ANKRD34C: variants seen among roughly 807,000 people sequenced by gnomAD.
The protein encoded by ANKRD34C is ankyrin repeat domain 34C.
For synonymous variants in ANKRD34C, 260 were observed against 253.6 expected (o/e 1.03, Z -0.24); for missense variants, 563 against 653.0 (o/e 0.86, Z 1.50).
chr15:79,285,818 A>G (rs911629426), intron 1 of ANKRD34C, among the ~76,000 whole-genome samples: 4 of 152,176 alleles, frequency 2.6e-5, no homozygotes, highest in Non-Finnish European at 4.4e-5. Context: ...GACCTTTAAT[A>G]TGTAATCTTG....
At chr15:79,289,613 G>A (rs564018392) in intron 1 of ANKRD34C, among the ~76,000 whole-genome samples, 4 of 152,234 alleles carry the variant, frequency 2.6e-5, no homozygotes, top group Non-Finnish European at 4.4e-5. Context: ...CTAGAGGTAC[G>A]TGATTTGCAC....
Position 79,295,573 on chromosome 15 carries a change from C to G in ANKRD34C, c.*681C>G, listed in dbSNP as rs2061156230. 1 of 167,090 alleles carries G rather than the reference C, an allele frequency of 6.0e-6. No individual in the cohort carries two copies. The highest frequency in any genetic ancestry group is 1.5e-5 in the Non-Finnish European group (1 of 68,130). 10.4% of individuals were successfully genotyped at this position (167,090 alleles called of 1,614,324 possible). On this transcript the variant is annotated 3_prime_UTR_variant, in exon 2 of 2. Coordinates refer to ENST00000421388, the MANE Select transcript of ANKRD34C (RefSeq NM_001146341.2). ...TATGATATGTCATAGTAGCTGATGC[C>G]TTAGAGATAAATCTTGCTCCAGAAA...
chr15:79,293,943 G>T lies in ANKRD34C; in HGVS notation c.659G>T (p.Cys220Phe). The change falls in exon 2 of 2, where the codon TGT becomes TTT. Residue 220 changes from cysteine (C) to phenylalanine (F), a missense_variant. Coordinates refer to ENST00000421388, the MANE Select transcript of ANKRD34C (RefSeq NM_001146341.2). ...CTCCAAGCAGGGCATCCAAGCAGTTGTAACACCTCCAAGGCTGTTAATGAG... is the reference window on the plus strand; with the variant it reads ...CTCCAAGCAGGGCATCCAAGCAGTTTTAACACCTCCAAGGCTGTTAATGAG... The part of the protein sequence containing the change: ...FSLQAGHPSS[C>F]NTSKAVNEPG... The T allele has an allele frequency of 1.3e-6, 2 of 1,551,672 alleles. No homozygotes were observed. Among genetic ancestry groups the T allele is most frequent in the East Asian group, 2.4e-5 (1 of 40,910 alleles).
chr15:79,287,760 C>T (rs575250241), intron 1 of ANKRD34C, among the ~76,000 whole-genome samples: 31 of 152,342 alleles, frequency 2.0e-4, no homozygotes, highest in African/African-American at 7.2e-4. Flanking sequence ...TACTCTCTCC[C>T]TGCCTCTCAT....
In ANKRD34C at chr15:79,298,059, GA is replaced by G. The variant is rs1377818661; in HGVS notation, c.*3168del. The G allele has an allele frequency of 6.0e-6, 1 of 166,728 alleles. No individual in the cohort carries two copies. Among genetic ancestry groups the G allele is most frequent in the Non-Finnish European group, 1.5e-5 (1 of 68,084 alleles). The allele number at this position is 166,728 out of a possible 1,614,324, so 10.3% of individuals were successfully genotyped here. A position where few individuals can be genotyped will look rare whatever the true frequency, so the allele number is the denominator to read the frequency against. On this transcript the variant is annotated 3_prime_UTR_variant, in exon 2 of 2. Transcript: ENST00000421388. Reference sequence around the variant, plus strand: ...TACCTTGCAAATGTAGGTTGTGTCTGACCTTCTTTCTTTTTGTGTGTTGGTG... The same window carrying G: ...TACCTTGCAAATGTAGGTTGTGTCTGCCTTCTTTCTTTTTGTGTGTTGGTG...
intron 1 of ANKRD34C, among the ~76,000 whole-genome samples, chr15:79,292,949 TTACTC>T (rs1483230457): frequency 3.3e-5 from 5 of 152,208 alleles, no homozygotes; most frequent in African/African-American, 9.7e-5. Flanking sequence ...AAACAAATAT[TTACTC>T]TATGTTAGGC....
Position 79,294,773 on chromosome 15 carries a change from G to A in ANKRD34C, c.1489G>A (p.Val497Ile). 6.4e-7 allele frequency: 1 copy of A among 1,551,706 alleles called. No homozygotes were observed. Among genetic ancestry groups the A allele is most frequent in the Non-Finnish European group, 8.7e-7 (1 of 1,146,996 alleles). ...LASGLKSMVP[V>I]APSSPKRVDL... ...TAGTGGCTTAAAATCTATGGTTCCT[G>A]TTGCTCCAAGTTCACCAAAGAGAGT... is the stretch of plus-strand genomic sequence containing the variant. Residue 497 changes from valine (V) to isoleucine (I), a missense_variant, in exon 2 of 2, where the codon GTT becomes ATT. By Grantham distance (29) the Val-to-Ile change is conservative. Transcript: ENST00000421388.
At chr15:79,286,151 A>T (rs959739895) in intron 1 of ANKRD34C, among the ~76,000 whole-genome samples, 8 of 148,974 alleles carry the variant, frequency 5.4e-5, no homozygotes, top group African/African-American at 2.0e-4. Context: ...CCATTGGAAG[A>T]TATAGTGGCC....
At chr15:79,285,247 T>C (rs1226600242) in intron 1 of ANKRD34C, among the ~76,000 whole-genome samples, 1 of 151,986 alleles carries the variant, frequency 6.6e-6, no homozygotes, top group Non-Finnish European at 1.5e-5. Context: ...TTCTTGGAGG[T>C]CTAGGAACTT....
rs2058674017 is a variant in ANKRD34C, at chr15:79,297,037, T to G, written c.*2145T>G. ...AACATGTGTGCTAATGGTCTCATAC[T>G]TTGTAGGAAGGGAAGAAAATAAGGA... is the stretch of plus-strand genomic sequence containing the variant. On this transcript the variant is annotated 3_prime_UTR_variant, in exon 2 of 2. Transcript: ENST00000421388. 1 of 167,102 alleles carries G rather than the reference T, an allele frequency of 6.0e-6. No individual in the cohort carries two copies. The highest frequency in any genetic ancestry group is 2.1e-4 in the South Asian group (1 of 4,822). 10.4% of individuals were successfully genotyped at this position (167,102 alleles called of 1,614,324 possible).
In ANKRD34C at chr15:79,294,021, A is replaced by G. The variant is rs772777021; in HGVS notation, c.737A>G (p.Gln246Arg). The change falls in exon 2 of 2, where the codon CAA becomes CGA. Residue 246 changes from glutamine (Q) to arginine (R), a missense_variant. Physicochemically the swap from Gln to Arg is conservative, Grantham distance 43 (BLOSUM62 1). Coordinates refer to ENST00000421388, the MANE Select transcript of ANKRD34C (RefSeq NM_001146341.2). ...VSNLKRARLP[Q>R]LKRLQSEPWG... is the part of the protein sequence containing the mutation. ...AATCTCAAAAGGGCCCGTTTGCCTC[A>G]ACTGAAGAGGCTCCAGTCTGAACCT... 2.6e-6 allele frequency: 4 copies of G among 1,551,594 alleles called. No homozygotes were observed. In the South Asian group the frequency reaches 3.6e-5, roughly 14 times the overall value.
At chr15:79,288,812 CTTTTTTTTTTTTT>C (rs60075615) in intron 1 of ANKRD34C, among the ~76,000 whole-genome samples, 2 of 55,538 alleles carry the variant, frequency 3.6e-5, no homozygotes, top group Non-Finnish European at 6.4e-5. Flanking sequence ...GCCCAGTATT[CTTTTTTTTTTTTT>C]TTTTTTTTTT....
chr15:79,292,701 C>G (rs1228770857), intron 1 of ANKRD34C, among the ~76,000 whole-genome samples: 2 of 152,112 alleles, frequency 1.3e-5, no homozygotes, highest in Admixed American at 6.5e-5. Context: ...ACTCATAATC[C>G]CACTGCCCAG....
intron 1 of ANKRD34C, chr15:79,283,574 A>C (rs940777360): frequency 1.3e-5 from 2 of 152,082 alleles, no homozygotes; most frequent in South Asian, 4.1e-4. Context: ...AGAGGTTATG[A>C]TCCTGAAAAT....
chr15:79,286,523 A>T (rs934095499), intron 1 of ANKRD34C, among the ~76,000 whole-genome samples: 1 of 152,170 alleles, frequency 6.6e-6, no homozygotes, highest in Admixed American at 6.5e-5. Flanking sequence ...CTTAATATTT[A>T]TTCACTGTGA....
rs183477548 is a variant in ANKRD34C at position 79,289,425 on chromosome 15, A to C, written c.-44-3816A>C. On this transcript the variant is annotated intron_variant, in intron 1 of 1. Transcript: ENST00000421388. ...CTTATCTGCAACCTGCTGCCTCCTT[A>C]GGTGCTGAAGGGGAAGAGTTAAAAT... 6.6e-5 allele frequency among the ~76,000 whole-genome samples: 10 copies of C among 152,270 alleles called. No homozygotes were observed. The East Asian group carries it at 1.7e-3, about 26-fold the overall frequency.
intron 1 of ANKRD34C, among the ~76,000 whole-genome samples, chr15:79,286,316 T>C (rs559493516): frequency 6.6e-6 from 1 of 152,280 alleles, no homozygotes; most frequent in Non-Finnish European, 1.5e-5. Flanking sequence ...TTTACTCTTC[T>C]TATGAAACAC....
intron 1 of ANKRD34C, among the ~76,000 whole-genome samples, chr15:79,288,555 A>G (rs774203748): frequency 2.0e-5 from 3 of 152,192 alleles, no homozygotes; most frequent in Non-Finnish European, 4.4e-5. Flanking sequence ...TCTAGTCAGC[A>G]GAAACCAGGT....
chr15:79,290,114 T>A (rs986428628), intron 1 of ANKRD34C, among the ~76,000 whole-genome samples: 29 of 150,944 alleles, frequency 1.9e-4, no homozygotes, highest in Admixed American at 1.9e-3. Context: ...AGCCTTGAAC[T>A]CCTGGGCTCA....
Sources: allele counts gnomAD v4.1 joint callset (sites outside exome capture counted in the v4.1 genomes callset), GRCh38; gene constraint gnomAD v4.1.1; transcripts MANE v1.5; gene names NCBI Gene and HGNC (gene_info 2026-07-23, HGNC 2026-07-21).